HSF2BP: variants seen among roughly 807,000 people sequenced by gnomAD.
HSF2BP encodes the protein heat shock factor 2-binding protein.
HSF2BP carries 35 observed loss-of-function variants against 35.0 expected under a neutral mutation model. That is an observed-to-expected ratio of 1.00 (90% CI 0.76 to 1.32). The LOEUF (loss-of-function observed/expected upper bound fraction) is 1.32, where lower values mean the gene tolerates loss of function less well. HSF2BP is among the 40% of genes most tolerant of loss of function. HSF2BP has a pLI of 0.00. For missense variants in HSF2BP, 326 were observed against 321.7 expected, an observed-to-expected ratio of 1.01 and a Z score of -0.10; for synonymous variants, 114 against 117.4, an observed-to-expected ratio of 0.97 and a Z score of 0.18.
intron 7 of HSF2BP, among the ~76,000 whole-genome samples, chr21:43,593,279 G>A (rs2081948999): frequency 6.6e-6 from 1 of 152,066 alleles, no homozygotes; most frequent in South Asian, 2.1e-4. Flanking sequence ...CACATTTTTG[G>A]CAGGCCTGAA....
At chr21:43,591,741 A>G (rs916635397) in intron 8 of HSF2BP, among the ~76,000 whole-genome samples, 2 of 152,240 alleles carry the variant, frequency 1.3e-5, no homozygotes, top group Non-Finnish European at 2.9e-5. Context: ...AAATCCAGAA[A>G]TAAACAATTC....
chr21:43,650,803 G>C (rs1397721602), intron 3 of HSF2BP, among the ~76,000 whole-genome samples: 2 of 150,934 alleles, frequency 1.3e-5, no homozygotes. Context: ...TGCTTCCTGG[G>C]TTCAAGCGAT....
chr21:43,614,108 A>G (rs2082242465), intron 6 of HSF2BP, among the ~76,000 whole-genome samples, 161 bp from the exon 7 acceptor site: 1 of 152,180 alleles, frequency 6.6e-6, no homozygotes, highest in African/African-American at 2.4e-5. Context: ...TCACACCTGT[A>G]ATCCCAACAT....
At chr21:43,657,121 A>G (rs2082881161) in intron 2 of HSF2BP, among the ~76,000 whole-genome samples, 1 of 152,238 alleles carries the variant, frequency 6.6e-6, no homozygotes, top group African/African-American at 2.4e-5. Context: ...CTGTAATCCC[A>G]GCACTTTGGG....
chr21:43,572,260 G>T (rs2081587184), intron 8 of HSF2BP, among the ~76,000 whole-genome samples: 1 of 152,216 alleles, frequency 6.6e-6, no homozygotes, highest in Non-Finnish European at 1.5e-5. Flanking sequence ...TGAAGGAAAG[G>T]CACAGGCACT....
intron 7 of HSF2BP, among the ~76,000 whole-genome samples, chr21:43,594,652 A>T (rs1337768510): frequency 6.6e-6 from 1 of 152,180 alleles, no homozygotes; most frequent in Non-Finnish European, 1.5e-5. Flanking sequence ...TGTTGAAAGA[A>T]AGAATAGAAA....
intron 5 of HSF2BP, among the ~76,000 whole-genome samples, chr21:43,632,435 T>TCA (rs1258676631): frequency 2.1e-5 from 2 of 94,798 alleles, no homozygotes; most frequent in Non-Finnish European, 3.9e-5. Context: ...ACACACACAG[T>TCA]CACACACACA....
At chr21:43,631,983 C>CCACA (rs72406175) in intron 5 of HSF2BP, among the ~76,000 whole-genome samples, 1 of 93,616 alleles carries the variant, frequency 1.1e-5, no homozygotes, top group East Asian at 3.3e-4. Flanking sequence ...CACACGCTCC[C>CCACA]CACACACACA....
chr21:43,580,809 A>G (rs2081717280), intron 8 of HSF2BP, among the ~76,000 whole-genome samples: 1 of 152,246 alleles, frequency 6.6e-6, no homozygotes. Flanking sequence ...CAGCTCACAT[A>G]ATAAAGAAGT....
At chr21:43,583,549 GGACCTGCTGAGGGAGATGAA>G (rs2081794848) in intron 8 of HSF2BP, among the ~76,000 whole-genome samples, 1 of 131,544 alleles carries the variant, frequency 7.6e-6, no homozygotes, top group African/African-American at 2.9e-5. Flanking sequence ...AGGGAGATGA[GGACCTGCTGAGGGAGATGAA>G]GACCTGCTGA....
intron 7 of HSF2BP, among the ~76,000 whole-genome samples, chr21:43,608,542 T>C (rs1238661601): frequency 6.6e-6 from 1 of 152,174 alleles, no homozygotes; most frequent in Non-Finnish European, 1.5e-5. Flanking sequence ...AGTCTGGAGA[T>C]TTCTCAAAGA....
intron 7 of HSF2BP, among the ~76,000 whole-genome samples, chr21:43,607,812 C>T (rs1472812989): frequency 1.3e-5 from 2 of 152,168 alleles, no homozygotes; most frequent in African/African-American, 4.8e-5. Flanking sequence ...AGCCAATTGA[C>T]CTTTGACAAC....
At chr21:43,581,820 T>TGAGGGAGATGAGG (rs1568884135) in intron 8 of HSF2BP, among the ~76,000 whole-genome samples, 13 of 152,066 alleles carry the variant, frequency 8.5e-5, no homozygotes, top group African/African-American at 2.7e-4. Flanking sequence ...GGGTCTGTGC[T>TGAGGGAGATGAGG]GCGGGAGATG....
At chr21:43,629,065 G>A (rs2082422933) in intron 6 of HSF2BP, among the ~76,000 whole-genome samples, 1 of 152,196 alleles carries the variant, frequency 6.6e-6, no homozygotes, top group African/African-American at 2.4e-5. Flanking sequence ...TACAAGGAAA[G>A]TAATGTTGAC....
rs1490772957 is a variant in HSF2BP at position 43,644,344 on chromosome 21, T to C, written c.236A>G (p.Glu79Gly). ...GGTTTCCAGGCGGGCTTTAAAGTGCTCACAATCCATTTTCAGCTGCTCTAA... is the reference window on the plus strand; with the variant it reads ...GGTTTCCAGGCGGGCTTTAAAGTGCCCACAATCCATTTTCAGCTGCTCTAA... ...QELEQLKMDCEHFKARLETVQ... is the reference protein window; with the variant it reads ...QELEQLKMDCGHFKARLETVQ... Residue 79 changes from glutamate to glycine, a missense_variant, in exon 4 of 9, where the codon GAG (glutamate) becomes GGG (glycine). Physicochemically the swap from Glu to Gly is moderately conservative, Grantham distance 98. Coordinates refer to ENST00000291560, the MANE Select transcript of HSF2BP (RefSeq NM_007031.2). The C allele has an allele frequency of 1.2e-6, 2 of 1,614,182 alleles. No individual in the cohort carries two copies. The highest frequency in any genetic ancestry group is 1.7e-6 in the Non-Finnish European group (2 of 1,180,006).
chr21:43,600,975 A>G lies in HSF2BP; in HGVS notation c.693-8647T>C, dbSNP rs139769549. Among the ~76,000 whole-genome samples the G allele has an allele frequency of 1.5e-3, 230 of 152,330 alleles. 2 individuals carry two copies. Among genetic ancestry groups the G allele is most frequent in the African/African-American group, 5.3e-3 (220 of 41,572 alleles). On this transcript the variant is annotated intron_variant, in intron 7 of 8. Coordinates refer to ENST00000291560, the MANE Select transcript of HSF2BP (RefSeq NM_007031.2). The stretch of plus-strand genomic sequence containing the variant: ...GTGAGATTTGTTTATGTTGATTTCT[A>G]TAGCTCCAACCTATTTCCACTGATA...
chr21:43,619,542 C>G (rs1428439621), intron 6 of HSF2BP, among the ~76,000 whole-genome samples: 1 of 152,236 alleles, frequency 6.6e-6, no homozygotes, highest in Admixed American at 6.5e-5. Flanking sequence ...TCTGAACAGA[C>G]AGTAAGACAA....
At chr21:43,593,660 C>T (rs1423077978) in intron 7 of HSF2BP, among the ~76,000 whole-genome samples, 1 of 151,976 alleles carries the variant, frequency 6.6e-6, no homozygotes, top group African/African-American at 2.4e-5. Context: ...AAAATAACAG[C>T]AGAATGTACA....
intron 4 of HSF2BP, among the ~76,000 whole-genome samples, chr21:43,643,581 G>C (rs1403262681): frequency 6.6e-6 from 1 of 152,164 alleles, no homozygotes; most frequent in Non-Finnish European, 1.5e-5. Context: ...GAAGCAGCCT[G>C]AGGCCCTCAC....
Sources: allele counts gnomAD v4.1 joint callset (sites outside exome capture counted in the v4.1 genomes callset), GRCh38; gene constraint gnomAD v4.1.1; transcripts MANE v1.5; gene names NCBI Gene and HGNC (gene_info 2026-07-23, HGNC 2026-07-21).